CNBD1: variants seen among roughly 807,000 people sequenced by gnomAD.
CNBD1 encodes cyclic nucleotide binding domain containing 1.
CNBD1 carries 71 observed loss-of-function variants against 54.4 expected under a neutral mutation model. The observed-to-expected ratio is 1.30, with a 90% CI of 1.08 to 1.59. CNBD1 has a LOEUF of 1.59. Among genes scored for constraint, CNBD1 ranks in the 40% most tolerant of loss-of-function variants. CNBD1 has a pLI of 0.00. For missense variants in CNBD1, 659 were observed against 518.0 expected (o/e 1.27, Z -2.64); for synonymous variants, 182 against 170.7 (o/e 1.07, Z -0.51).
intron 4 of CNBD1, among the ~76,000 whole-genome samples, chr8:86,959,634 A>C (rs1807875632): frequency 6.6e-6 from 1 of 152,074 alleles, no homozygotes; most frequent in Non-Finnish European, 1.5e-5. Flanking sequence ...CTTCCACTTG[A>C]TTGAATCGGC....
At position 87,192,510 on chromosome 8, in the gene CNBD1, A is replaced by C. The variant is rs575837881; in HGVS notation, c.432-13483A>C. ...CTGAGATAAAAATTCTTGCTCCACAACTTATTATTCTGTGACCTTGGGCAA... is the reference window on the plus strand; with the variant it reads ...CTGAGATAAAAATTCTTGCTCCACACCTTATTATTCTGTGACCTTGGGCAA... On this transcript the variant is annotated intron_variant, in intron 4 of 10. Transcript: ENST00000518476. Among the ~76,000 whole-genome samples the C allele has an allele frequency of 3.7e-4, 56 of 152,282 alleles. 1 individual carries two copies. Among genetic ancestry groups the C allele is most frequent in the African/African-American group, 1.2e-3 (50 of 41,574 alleles).
At chr8:87,010,135 G>T (rs573904206) in intron 4 of CNBD1, among the ~76,000 whole-genome samples, 2 of 152,194 alleles carry the variant, frequency 1.3e-5, no homozygotes, top group South Asian at 2.1e-4. Flanking sequence ...ATTCAATGAA[G>T]TTACAGCTTG....
chr8:86,979,403 A>AG (rs1399876358), intron 4 of CNBD1, among the ~76,000 whole-genome samples: 7 of 100,164 alleles, frequency 7.0e-5, no homozygotes, highest in Non-Finnish European at 1.1e-4. Context: ...TCATCTCTAC[A>AG]AAAAAAAAAA....
chr8:87,366,384 C>T (rs1480846746), intron 10 of CNBD1, among the ~76,000 whole-genome samples: 1 of 152,012 alleles, frequency 6.6e-6, no homozygotes, highest in Non-Finnish European at 1.5e-5. Flanking sequence ...TCACTCTCAG[C>T]CATCAGAGCC....
At chr8:86,909,617 G>A (rs1809070712) in intron 3 of CNBD1, among the ~76,000 whole-genome samples, 1 of 152,006 alleles carries the variant, frequency 6.6e-6, no homozygotes, top group African/African-American at 2.4e-5. Context: ...ATGTTGGTGT[G>A]CAACATTGCA....
intron 3 of CNBD1, among the ~76,000 whole-genome samples, chr8:86,929,342 C>A (rs185725347): frequency 1.3e-5 from 2 of 152,206 alleles, no homozygotes; most frequent in East Asian, 3.9e-4. Context: ...TTCTTTTTTC[C>A]CTTCTCAGTT....
At chr8:87,044,222 TG>T (rs1179589887) in intron 4 of CNBD1, among the ~76,000 whole-genome samples, 1 of 152,088 alleles carries the variant, frequency 6.6e-6, no homozygotes, top group Non-Finnish European at 1.5e-5. Flanking sequence ...GTTTTTTTTT[TG>T]TTTTTTTGCA....
intron 10 of CNBD1, among the ~76,000 whole-genome samples, chr8:87,358,565 C>A (rs1442560191): frequency 3.3e-5 from 5 of 151,152 alleles, no homozygotes; most frequent in Admixed American, 1.3e-4. Context: ...CAAAGTTCTT[C>A]AAAAAAAACA....
chr8:86,976,030 G>T (rs746577224), intron 4 of CNBD1, among the ~76,000 whole-genome samples: 1 of 151,234 alleles, frequency 6.6e-6, no homozygotes, highest in Non-Finnish European at 1.5e-5. Context: ...TATTTTTTTT[G>T]AAAAATGTCT....
At chr8:86,948,582 C>A (rs887419036) in intron 4 of CNBD1, among the ~76,000 whole-genome samples, 4 of 152,090 alleles carry the variant, frequency 2.6e-5, no homozygotes, top group Admixed American at 6.5e-5. Flanking sequence ...CTATTCATAT[C>A]TTTTGCCCAA....
chr8:87,234,712 G>T (rs974004206), intron 5 of CNBD1, among the ~76,000 whole-genome samples: 40 of 152,228 alleles, frequency 2.6e-4, no homozygotes, highest in Non-Finnish European at 5.3e-4. Context: ...TTTTTGGGAT[G>T]GTAAAGGAGT....
intron 1 of CNBD1, among the ~76,000 whole-genome samples, chr8:86,869,279 C>T (rs1318569892): frequency 1.3e-5 from 2 of 152,182 alleles, no homozygotes; most frequent in Non-Finnish European, 2.9e-5. Flanking sequence ...AGGTTTCATA[C>T]TAAGGTTCAC....
chr8:86,967,160 C>A (rs75756750), intron 4 of CNBD1, among the ~76,000 whole-genome samples: 1,920 of 152,286 alleles, frequency 0.013, 28 homozygotes, highest in African/African-American at 0.037. Flanking sequence ...CACCCTTGAG[C>A]CTGCAGAAAA....
intron 8 of CNBD1, among the ~76,000 whole-genome samples, chr8:87,332,653 G>C (rs994019161): frequency 2.6e-5 from 4 of 152,114 alleles, no homozygotes; most frequent in Non-Finnish European, 5.9e-5. Flanking sequence ...CCCATTGCTT[G>C]ATTTTATTAG....
chr8:86,899,891 G>T (rs566110029), intron 2 of CNBD1, among the ~76,000 whole-genome samples: 6 of 152,138 alleles, frequency 3.9e-5, no homozygotes, highest in African/African-American at 1.4e-4. Context: ...TCCCCTCCTT[G>T]TTCCTTGGTC....
chr8:87,170,069 C>A (rs745523622), intron 4 of CNBD1, among the ~76,000 whole-genome samples: 25 of 151,866 alleles, frequency 1.6e-4, no homozygotes, highest in Admixed American at 1.6e-3. Context: ...AATTTTTTGG[C>A]CTCTTAAATT....
intron 4 of CNBD1, among the ~76,000 whole-genome samples, chr8:87,055,876 C>G (rs1810404669): frequency 7.5e-6 from 1 of 133,424 alleles, no homozygotes; most frequent in African/African-American, 2.8e-5. Flanking sequence ...TCCCTCCCTG[C>G]TTGACCTTTC....
chr8:86,874,986 T>TTATATATATATATATATATATA (rs10584669), intron 1 of CNBD1, among the ~76,000 whole-genome samples: 18 of 120,106 alleles, frequency 1.5e-4, no homozygotes, highest in African/African-American at 2.8e-4. Flanking sequence ...GTAAATCAAT[T>TTATATATATATATATATATATA]TATATATATA....
intron 1 of CNBD1, among the ~76,000 whole-genome samples, chr8:86,872,247 TC>T (rs2131767398): frequency 6.6e-6 from 1 of 152,328 alleles, no homozygotes; most frequent in East Asian, 1.9e-4. Flanking sequence ...TGTTTGGGGT[TC>T]CCTTTGCTCT....
Sources: allele counts gnomAD v4.1 joint callset (sites outside exome capture counted in the v4.1 genomes callset), GRCh38; gene constraint gnomAD v4.1.1; transcripts MANE v1.5; gene names NCBI Gene and HGNC (gene_info 2026-07-23, HGNC 2026-07-21).